The following COPA variants were observed in gnomAD, a reference collection of about 807,000 sequenced individuals.
COPA encodes the protein coatomer subunit alpha.
In COPA, 10 loss-of-function variants were observed where a neutral mutation model predicts 158.7. The ratio of observed to expected loss-of-function variants is 0.06; its 90% confidence interval spans 0.04 to 0.11. The LOEUF (loss-of-function observed/expected upper bound fraction) is 0.11. Ranked by LOEUF, COPA falls within the 10% of genes least tolerant of loss-of-function variation. COPA has a pLI of 1.00. For synonymous variants in COPA, 462 were observed against 542.8 expected, an observed-to-expected ratio of 0.85 and a Z score of 2.07; for missense variants, 1,065 against 1,536.7, an observed-to-expected ratio of 0.69 and a Z score of 5.13.
intron 17 of COPA, 74 bp downstream of exon 17, chr1:160,305,359 G>A: frequency 6.7e-7 from 1 of 1,483,390 alleles, no homozygotes; most frequent in Non-Finnish European, 9.3e-7. Context: ...GAGGACTTCA[G>A]TTACATCTCA....
rs578148797 is a variant in COPA at position 160,336,768 on chromosome 1, CT to C, written c.229-1447del. Among the ~76,000 whole-genome samples the C allele has an allele frequency of 9.2e-5, 14 of 152,180 alleles. No individual in the cohort carries two copies. In the East Asian group the frequency reaches 2.5e-3, roughly 27 times the overall value. On this transcript the variant is annotated intron_variant, in intron 3 of 32. Transcript: ENST00000241704. ...ATAATCAATCTGGGCCAGCTTGTTA[CT>C]ATTTCTAATTTTTAACTTTTCTTCA...
chr1:160,305,103 G>A (rs1253665229), intron 17 of COPA: 1 of 188,354 alleles, frequency 5.3e-6, no homozygotes, highest in East Asian at 1.3e-4. Flanking sequence ...TACTGTTGGT[G>A]GAAACAGGGA....
intron 3 of COPA, among the ~76,000 whole-genome samples, chr1:160,337,033 T>A (rs1014446092): frequency 2.6e-5 from 4 of 152,206 alleles, no homozygotes; most frequent in Non-Finnish European, 4.4e-5. Flanking sequence ...ATCTATTCAA[T>A]CAGCTACATA....
chr1:160,312,124 C>T (rs1228363205), intron 10 of COPA, 106 bp from the exon 11 acceptor site: 10 of 1,052,606 alleles, frequency 9.5e-6, no homozygotes, highest in Non-Finnish European at 1.4e-5. Context: ...GACAAGACAC[C>T]TGAATGCATC....
intron 3 of COPA, among the ~76,000 whole-genome samples, chr1:160,339,158 T>G (rs1390692410): frequency 1.4e-5 from 2 of 147,202 alleles, no homozygotes; most frequent in Non-Finnish European, 2.9e-5. Context: ...CCATCTCATT[T>G]ATTTCTCCTT....
At chr1:160,292,399 G>A in intron 28 of COPA, 85 bp downstream of exon 28, 2 of 1,599,882 alleles carry the variant, frequency 1.3e-6, no homozygotes, top group South Asian at 1.1e-5. Context: ...AGCTCTGAGA[G>A]AATTCTGACT....
At chr1:160,309,051 C>A (rs775015308) in intron 13 of COPA, 50 bp downstream of exon 13, 2 of 1,411,560 alleles carry the variant, frequency 1.4e-6, no homozygotes, top group Admixed American at 3.4e-5. Context: ...AGTTATGATG[C>A]GGGTGAGGAG....
intron 3 of COPA, chr1:160,339,678 C>T: frequency 2.2e-6 from 1 of 459,408 alleles, no homozygotes; most frequent in South Asian, 3.0e-5. Flanking sequence ...ATAAAAGCTC[C>T]TTGAAAACAG....
rs761705607 is a variant in COPA, at chr1:160,306,390, G to A, written c.1406C>T (p.Ala469Val). The A allele has an allele frequency of 1.4e-5, 22 of 1,612,976 alleles. No homozygotes were observed. The highest frequency in any genetic ancestry group is 2.2e-5 in the East Asian group (1 of 44,892). Residue 469 changes from alanine to valine, a missense_variant, in exon 15 of 33, where the codon GCG (alanine) becomes GTG (valine). Around this residue, in one of 2 missense-constraint regions of COPA, gnomAD observed 980 missense variants for 1,357.8 expected, o/e 0.72. Transcript: ENST00000241704. ...TACGTCAAAGAGTGTGATAGAGTCC[G>A]CATCTCGAAGCAGGAGATTGCCTGT... The part of the protein sequence containing the change: ...AGTGNLLLRD[A>V]DSITLFDVQQ...
Position 160,307,065 on chromosome 1 carries a change from C to CGG in COPA, c.1302+96_1302+97dup, listed in dbSNP as rs1307666066. ...CCAATACATGAGAATCACGGCTGCCCGGGGGAGAACAGAAAAAACAATGGT... is the reference window on the plus strand; with the variant it reads ...CCAATACATGAGAATCACGGCTGCCCGGGGGGGAGAACAGAAAAAACAATGGT... On this transcript the variant is annotated intron_variant, in intron 14 of 32. Coordinates refer to ENST00000241704, the MANE Select transcript of COPA (RefSeq NM_004371.4). The CGG allele has an allele frequency of 3.3e-6, 4 of 1,199,318 alleles. No homozygotes were observed. The African/African-American group carries it at 6.0e-5, about 18-fold the overall frequency. The allele number at this position is 1,199,318 out of a possible 1,614,324, so 74.3% of individuals were successfully genotyped here. A position where few individuals can be genotyped will look rare whatever the true frequency, so the allele number is the denominator to read the frequency against.
At chr1:160,322,124 T>C (rs1659348820) in intron 8 of COPA, among the ~76,000 whole-genome samples, 1 of 152,272 alleles carries the variant, frequency 6.6e-6, no homozygotes, top group Non-Finnish European at 1.5e-5. Context: ...AAAATTTATA[T>C]GGCAGCACAA....
intron 24 of COPA, 41 bp downstream of exon 24, chr1:160,294,727 G>A: frequency 1.2e-6 from 2 of 1,606,744 alleles, no homozygotes; most frequent in Non-Finnish European, 1.7e-6. Flanking sequence ...CCAATCCAAG[G>A]TGTCCATCAC....
Position 160,332,575 on chromosome 1 carries a change from G to C in COPA, c.387-18C>G. ...TTAACACACTGCAAGAAAAAAAAAA[G>C]ACAATACCAAATTAGAGGTGGAAGT... On this transcript the variant is annotated intron_variant, in intron 5 of 32. Coordinates refer to ENST00000241704, the MANE Select transcript of COPA (RefSeq NM_004371.4). The C allele has an allele frequency of 6.6e-7, 1 of 1,508,888 alleles. No homozygotes were observed. Among genetic ancestry groups the C allele is most frequent in the Non-Finnish European group, 9.1e-7 (1 of 1,103,478 alleles). 93.5% of individuals were successfully genotyped at this position (1,508,888 alleles called of 1,614,324 possible).
At chr1:160,337,625 A>T (rs1647837668) in intron 3 of COPA, among the ~76,000 whole-genome samples, 1 of 152,182 alleles carries the variant, frequency 6.6e-6, no homozygotes, top group South Asian at 2.1e-4. Flanking sequence ...AGGCTGAGGC[A>T]GGAGAACCAC....
chr1:160,334,671 C>T (rs1327507212), intron 4 of COPA, among the ~76,000 whole-genome samples: 1 of 152,116 alleles, frequency 6.6e-6, no homozygotes, highest in East Asian at 1.9e-4. Flanking sequence ...ATACACAGAA[C>T]TATAAGGAGA....
chr1:160,290,314 G>GTA, intron 32 of COPA, 98 bp from the exon 33 acceptor site: 6 of 1,430,128 alleles, frequency 4.2e-6, no homozygotes, highest in Non-Finnish European at 5.8e-6. Context: ...CAGTAGACAG[G>GTA]TATTGGGGTG....
chr1:160,343,242 G>C lies in COPA; in HGVS notation c.-72C>G. 1.2e-6 allele frequency: 2 copies of C among 1,600,734 alleles called. No homozygotes were observed. Among genetic ancestry groups the C allele is most frequent in the African/African-American group, 2.7e-5 (2 of 74,714 alleles). On this transcript the variant is annotated 5_prime_UTR_variant, in exon 1 of 33. Transcript: ENST00000241704. ...CCTGCTGCCCTTCGGACGCCTCCAC[G>C]TCAGCGACCCTCTCCCGCGGTTTCC...
At chr1:160,320,608 C>CAAAAAAA (rs56849348) in intron 8 of COPA, among the ~76,000 whole-genome samples, 14 of 15,500 alleles carry the variant, frequency 9.0e-4, no homozygotes, top group East Asian at 2.3e-3. Flanking sequence ...GACTCCAACT[C>CAAAAAAA]AAAAAAAAAA....
At chr1:160,324,156 C>T (rs926385425) in intron 7 of COPA, among the ~76,000 whole-genome samples, 3 of 151,992 alleles carry the variant, frequency 2.0e-5, no homozygotes, top group Admixed American at 6.6e-5. Flanking sequence ...CCACTGCGCC[C>T]GCCCGAAAAC....
Sources: allele counts gnomAD v4.1 joint callset (sites outside exome capture counted in the v4.1 genomes callset), GRCh38; gene constraint gnomAD v4.1.1; regional missense constraint gnomAD v4.1.1; transcripts MANE v1.5; gene names NCBI Gene and HGNC (gene_info 2026-07-23, HGNC 2026-07-21).